The following NAA11 variants were observed in gnomAD, a reference collection of about 807,000 sequenced individuals.
NAA11 encodes N-alpha-acetyltransferase 11, NatA catalytic subunit, also known as N-alpha-acetyltransferase 11.
Under a neutral mutation model 16.1 loss-of-function variants are expected in NAA11, and 15 were observed. The observed-to-expected ratio is 0.93, with a 90% confidence interval of 0.62 to 1.44. The LOEUF (loss-of-function observed/expected upper bound fraction) is 1.44. NAA11 is among the 40% of genes most tolerant of loss of function. The pLI, the probability that NAA11 is intolerant of heterozygous loss-of-function variation, is 0.00. For missense variants in NAA11, 298 were observed against 291.3 expected (o/e 1.02, Z -0.17); for synonymous variants, 122 against 112.4 (o/e 1.09, Z -0.54).
At chr4:79,258,364 C>T (rs964716283) in intron 2 of NAA11, among the ~76,000 whole-genome samples, 1 of 152,264 alleles carries the variant, frequency 6.6e-6, no homozygotes, top group Non-Finnish European at 1.5e-5. Context: ...CCCCCCTTGC[C>T]CTCACAGGCT....
intron 2 of NAA11, among the ~76,000 whole-genome samples, chr4:79,235,991 A>C (rs1721560927): frequency 6.6e-6 from 1 of 152,088 alleles, no homozygotes; most frequent in African/African-American, 2.4e-5. Context: ...TTCATCCAAC[A>C]CTTCTAACCA....
intron 2 of NAA11, among the ~76,000 whole-genome samples, chr4:79,248,670 C>T (rs1039630210): frequency 6.6e-6 from 1 of 152,136 alleles, no homozygotes; most frequent in Non-Finnish European, 1.5e-5. Context: ...CCACCATTGC[C>T]ACCAGCATGA....
chr4:79,159,923 A>G, the NAA11 span, among the ~76,000 whole-genome samples: 27 of 151,722 alleles, frequency 1.8e-4, no homozygotes, highest in East Asian at 5.0e-3. Context: ...TTATATGGAT[A>G]TACTAACTTT....
intron 2 of NAA11, among the ~76,000 whole-genome samples, chr4:79,261,100 G>A (rs1722236311): frequency 6.6e-6 from 1 of 152,108 alleles, no homozygotes; most frequent in Non-Finnish European, 1.5e-5. Flanking sequence ...CTTTTGAAAG[G>A]GCTAAAATAA....
chr4:79,282,195 T>G (rs1189111753), intron 2 of NAA11, among the ~76,000 whole-genome samples: 1 of 152,026 alleles, frequency 6.6e-6, no homozygotes, highest in East Asian at 1.9e-4. Flanking sequence ...CAAATGTGTC[T>G]GGGATGTAGT....
At chr4:79,280,094 T>C (rs911820280) in intron 2 of NAA11, among the ~76,000 whole-genome samples, 1 of 152,124 alleles carries the variant, frequency 6.6e-6, no homozygotes, top group African/African-American at 2.4e-5. Flanking sequence ...AAAGGACCTA[T>C]AATATTTACA....
chr4:79,224,747 A>G (rs1009291165), downstream of NAA11, among the ~76,000 whole-genome samples: 3 of 152,068 alleles, frequency 2.0e-5, no homozygotes, highest in Admixed American at 1.3e-4. Context: ...AATGGGACAA[A>G]ATAATACTGG....
chr4:79,165,003 A>G, the NAA11 span, among the ~76,000 whole-genome samples: 1 of 152,220 alleles, frequency 6.6e-6, no homozygotes, highest in African/African-American at 2.4e-5. Flanking sequence ...CACGGAGGGA[A>G]CACTCACAGT....
rs144300901 is a variant in NAA11, at chr4:79,237,257, T to C, written c.*123-10987A>G. The stretch of plus-strand genomic sequence containing the variant: ...GATTACAGCCAAGTTACAAGGATAG[T>C]GAACTTAGGAGTAGTCTGAAAACAG... On this transcript the variant is annotated intron_variant and NMD_transcript_variant, in intron 2 of 2. Transcript: ENST00000511542. Among the ~76,000 whole-genome samples the C allele has an allele frequency of 2.0e-4, 31 of 152,246 alleles. 1 individual carries two copies. In the East Asian group the frequency reaches 5.8e-3, roughly 28 times the overall value.
chr4:79,236,717 G>A (rs1431350357), intron 2 of NAA11, among the ~76,000 whole-genome samples: 2 of 152,102 alleles, frequency 1.3e-5, no homozygotes, highest in African/African-American at 4.8e-5. Flanking sequence ...TCGTTATGAC[G>A]TGTCATTCTT....
At chr4:79,298,738 G>A (rs1486778866) in intron 1 of NAA11, among the ~76,000 whole-genome samples, 1 of 152,238 alleles carries the variant, frequency 6.6e-6, no homozygotes, top group African/African-American at 2.4e-5. Flanking sequence ...CCAGTGGTAT[G>A]AGCCGAGTGC....
chr4:79,160,734 A>T, the NAA11 span, among the ~76,000 whole-genome samples: 3 of 152,158 alleles, frequency 2.0e-5, no homozygotes, highest in African/African-American at 7.2e-5. Flanking sequence ...AGTTCTTTAT[A>T]TATTTTGGCA....
At chr4:79,309,762 C>T (rs548188179) in intron 1 of NAA11, among the ~76,000 whole-genome samples, 1 of 121,724 alleles carries the variant, frequency 8.2e-6, no homozygotes, top group Non-Finnish European at 1.6e-5. Flanking sequence ...GTCGCCCAGG[C>T]TGGAATGCAG....
At chr4:79,157,499 A>ATATATGTATGTATATATACATATATG in the NAA11 span, among the ~76,000 whole-genome samples, 1 of 151,842 alleles carries the variant, frequency 6.6e-6, no homozygotes, top group Non-Finnish European at 1.5e-5. Context: ...ATACACACAT[A>ATATATGTATGTATATATACATATATG]TATATGTATG....
At chr4:79,185,303 AG>A in the NAA11 span, among the ~76,000 whole-genome samples, 1 of 152,340 alleles carries the variant, frequency 6.6e-6, no homozygotes, top group African/African-American at 2.4e-5. Context: ...CACAATGCCA[AG>A]ACAGCTGGTC....
chr4:79,157,761 C>A, the NAA11 span, among the ~76,000 whole-genome samples: 2 of 151,866 alleles, frequency 1.3e-5, no homozygotes, highest in Admixed American at 1.3e-4. Context: ...AGAACTGGAA[C>A]AAGACAAGGA....
At chr4:79,290,447 C>G (rs1014439822) in intron 2 of NAA11, among the ~76,000 whole-genome samples, 1 of 152,140 alleles carries the variant, frequency 6.6e-6, no homozygotes, top group Admixed American at 6.5e-5. Flanking sequence ...TTATCCTTTC[C>G]TCTCCCTCTG....
At chr4:79,286,580 A>G (rs1210542880) in intron 2 of NAA11, among the ~76,000 whole-genome samples, 1 of 152,108 alleles carries the variant, frequency 6.6e-6, no homozygotes, top group Non-Finnish European at 1.5e-5. Context: ...ATGAGATTAC[A>G]GTTGATTGAA....
chr4:79,291,150 G>T (rs192479922), intron 2 of NAA11, among the ~76,000 whole-genome samples: 1 of 152,224 alleles, frequency 6.6e-6, no homozygotes, highest in African/African-American at 2.4e-5. Context: ...TATTTTAAAA[G>T]AGCGTGTACA....
Sources: gnomAD v4.1 joint callset for allele counts (sites outside exome capture counted in the v4.1 genomes callset) on GRCh38, gnomAD v4.1.1 for gene constraint, MANE v1.5 for transcripts, NCBI Gene and HGNC (gene_info 2026-07-23, HGNC 2026-07-21) for gene names.